The following ZNF704 variants were observed in gnomAD, a reference collection of about 807,000 sequenced individuals.
The protein encoded by ZNF704 is zinc finger protein 704, also known as glucocorticoid induced gene 1.
Under a neutral mutation model 44.7 loss-of-function variants are expected in ZNF704, and 10 were observed. That is an observed-to-expected ratio of 0.22 (90% CI 0.14 to 0.38). The LOEUF (loss-of-function observed/expected upper bound fraction) is 0.38, where lower values mean the gene tolerates loss of function less well. Among genes scored for constraint, ZNF704 ranks in the 10% least tolerant of loss-of-function variants. The probability of loss-of-function intolerance (pLI) is 1.00; values close to 1 mark genes in which losing one functional copy is unlikely to be tolerated. For missense variants in ZNF704, 390 were observed against 545.5 expected, an observed-to-expected ratio of 0.71 and a Z score of 2.84; for synonymous variants, 211 against 207.6, an observed-to-expected ratio of 1.02 and a Z score of -0.14.
At chr8:80,716,964 G>A (rs1214563016) in intron 2 of ZNF704, among the ~76,000 whole-genome samples, 3 of 152,142 alleles carry the variant, frequency 2.0e-5, no homozygotes, top group Non-Finnish European at 4.4e-5. Context: ...TCTGCCTCAG[G>A]GAAAGCTAAG....
At chr8:80,793,229 G>A (rs1807742062) in intron 2 of ZNF704, among the ~76,000 whole-genome samples, 1 of 152,194 alleles carries the variant, frequency 6.6e-6, no homozygotes, top group Non-Finnish European at 1.5e-5. Context: ...CCTGTACTGA[G>A]CAATAAGGAG....
chr8:80,868,592 T>C (rs1467630593), intron 1 of ZNF704, among the ~76,000 whole-genome samples: 1 of 152,246 alleles, frequency 6.6e-6, no homozygotes, highest in Non-Finnish European at 1.5e-5. Flanking sequence ...GAATGGGAGC[T>C]ATACTGATTC....
chr8:80,809,878 C>A (rs961919062), intron 2 of ZNF704, among the ~76,000 whole-genome samples: 2 of 152,100 alleles, frequency 1.3e-5, no homozygotes, highest in African/African-American at 4.8e-5. Context: ...TTGTATTACT[C>A]CTGAATTCTT....
chr8:80,659,820 G>A, intron 6 of ZNF704, 131 bp from the exon 7 acceptor site: 1 of 739,794 alleles, frequency 1.4e-6, no homozygotes, highest in Non-Finnish European at 2.2e-6. Flanking sequence ...TTATCTAATA[G>A]GAAGAGATTA....
At chr8:80,779,265 T>C (rs1217305003) in intron 2 of ZNF704, among the ~76,000 whole-genome samples, 2 of 152,296 alleles carry the variant, frequency 1.3e-5, no homozygotes. Flanking sequence ...TTATCTTCAT[T>C]TGTGTAGTTA....
chr8:80,696,132 T>A (rs1456984705), intron 2 of ZNF704, among the ~76,000 whole-genome samples: 1 of 152,250 alleles, frequency 6.6e-6, no homozygotes, highest in East Asian at 1.9e-4. Flanking sequence ...AAGTAGAATT[T>A]GTTACACTTT....
At chr8:80,884,029 T>G in the ZNF704 span, among the ~76,000 whole-genome samples, 2 of 152,252 alleles carry the variant, frequency 1.3e-5, no homozygotes, top group Non-Finnish European at 2.9e-5. Flanking sequence ...CAGCATATGC[T>G]GATATAAATG....
chr8:80,727,427 G>GA (rs1183429932), intron 2 of ZNF704, among the ~76,000 whole-genome samples: 2 of 150,408 alleles, frequency 1.3e-5, no homozygotes, highest in East Asian at 3.9e-4. Context: ...ACTGGTTTTT[G>GA]TTTTTGTTTT....
At chr8:80,876,366 TAAG>T (rs1218562220), upstream of ZNF704, among the ~76,000 whole-genome samples, 1 of 152,128 alleles carries the variant, frequency 6.6e-6, no homozygotes, top group Non-Finnish European at 1.5e-5. Context: ...TGCAAAGAAT[TAAG>T]AAAGAACATT....
intron 2 of ZNF704, among the ~76,000 whole-genome samples, chr8:80,726,340 A>C (rs1294272625): frequency 6.6e-6 from 1 of 152,172 alleles, no homozygotes; most frequent in Non-Finnish European, 1.5e-5. Context: ...TCCTTTTTTA[A>C]AAAATTTAAG....
At chr8:80,798,600 C>T (rs1042470727) in intron 2 of ZNF704, among the ~76,000 whole-genome samples, 1 of 152,126 alleles carries the variant, frequency 6.6e-6, no homozygotes, top group Non-Finnish European at 1.5e-5. Context: ...ATCACTTACC[C>T]AGTCTCTAAG....
intron 5 of ZNF704, among the ~76,000 whole-genome samples, chr8:80,668,248 C>G (rs1729605295): frequency 6.6e-6 from 1 of 152,242 alleles, no homozygotes; most frequent in South Asian, 2.1e-4. Context: ...GCAGCAGCAG[C>G]AGCAGATCCC....
chr8:80,772,503 A>C (rs1235171989), intron 2 of ZNF704, among the ~76,000 whole-genome samples: 1 of 152,160 alleles, frequency 6.6e-6, no homozygotes, highest in Non-Finnish European at 1.5e-5. Flanking sequence ...TGGCCGAAGC[A>C]GGAAGAAGAG....
intron 6 of ZNF704, among the ~76,000 whole-genome samples, chr8:80,663,117 A>G (rs1818127007): frequency 6.6e-6 from 1 of 152,188 alleles, no homozygotes. Flanking sequence ...TGGTGGCTCA[A>G]GCCTATAATC....
intron 2 of ZNF704, among the ~76,000 whole-genome samples, chr8:80,722,383 A>ATATT (rs1374795990): frequency 6.6e-6 from 1 of 152,274 alleles, no homozygotes; most frequent in African/African-American, 2.4e-5. Context: ...GGATGAAAAG[A>ATATT]TATTTACCTC....
At chr8:80,833,218 T>C (rs368581824) in intron 1 of ZNF704, among the ~76,000 whole-genome samples, 1 of 152,006 alleles carries the variant, frequency 6.6e-6, no homozygotes, top group Non-Finnish European at 1.5e-5. Flanking sequence ...GGCGTGGTGG[T>C]GTGCACGTGT....
intron 7 of ZNF704, among the ~76,000 whole-genome samples, chr8:80,647,403 C>T (rs1817850432): frequency 6.6e-6 from 1 of 152,130 alleles, no homozygotes; most frequent in Admixed American, 6.6e-5. Context: ...TGCCTCTGAC[C>T]TGCAATAAGG....
chr8:80,645,300 C>T (rs1817812138), intron 7 of ZNF704: 1 of 866,262 alleles, frequency 1.2e-6, no homozygotes, highest in African/African-American at 1.7e-5. Context: ...ACCTAGGAGC[C>T]AACGTGGTCA....
intron 1 of ZNF704, among the ~76,000 whole-genome samples, chr8:80,862,075 C>T (rs1809072658): frequency 8.0e-6 from 1 of 125,442 alleles, no homozygotes; most frequent in South Asian, 2.7e-4. Context: ...GCGATCTTGG[C>T]TCACTGCAAC....
Sources: allele counts gnomAD v4.1 joint callset (sites outside exome capture counted in the v4.1 genomes callset), GRCh38; gene constraint gnomAD v4.1.1; transcripts MANE v1.5; gene names NCBI Gene and HGNC (gene_info 2026-07-23, HGNC 2026-07-21).